The following PPP2R3A variants were observed in gnomAD, a reference collection of about 807,000 sequenced individuals.
The protein encoded by PPP2R3A is serine/threonine-protein phosphatase 2A regulatory subunit B'' subunit alpha.
In PPP2R3A, 80 loss-of-function variants were observed where a neutral mutation model predicts 106.9. That is an observed-to-expected ratio of 0.75 (90% CI 0.62 to 0.90). The LOEUF (loss-of-function observed/expected upper bound fraction) is 0.90. Ranked by LOEUF, PPP2R3A falls within the 40% of genes least tolerant of loss-of-function variation. The pLI, the probability that PPP2R3A is intolerant of heterozygous loss-of-function variation, is 0.00. For synonymous variants in PPP2R3A, 483 were observed against 468.3 expected (o/e 1.03, Z -0.41); for missense variants, 1,386 against 1,350.4 (o/e 1.03, Z -0.41).
chr3:136,136,091 T>G (rs1438478982), intron 13 of PPP2R3A, among the ~76,000 whole-genome samples: 1 of 117,628 alleles, frequency 8.5e-6, no homozygotes, highest in Non-Finnish European at 1.8e-5. Flanking sequence ...TATATATATA[T>G]ATAAAAAACA....
chr3:135,974,218 C>A (rs1937329942), intron 1 of PPP2R3A, among the ~76,000 whole-genome samples: 1 of 152,030 alleles, frequency 6.6e-6, no homozygotes, highest in South Asian at 2.1e-4. Flanking sequence ...TGGAGCATTA[C>A]ATGGCTCATT....
chr3:136,087,999 C>A, intron 9 of PPP2R3A, 68 bp downstream of exon 9: 2 of 1,370,766 alleles, frequency 1.5e-6, no homozygotes, highest in Middle Eastern at 1.8e-4. Flanking sequence ...CTCATTTTAG[C>A]AAAGCTTCCT....
At chr3:136,010,039 C>T (rs1199505317) in intron 2 of PPP2R3A, among the ~76,000 whole-genome samples, 1 of 152,096 alleles carries the variant, frequency 6.6e-6, no homozygotes, top group Admixed American at 6.6e-5. Context: ...TTCCACTCTG[C>T]AGGTGCCTTT....
chr3:136,099,396 G>C (rs1432785057), intron 10 of PPP2R3A, among the ~76,000 whole-genome samples: 1 of 151,834 alleles, frequency 6.6e-6, no homozygotes, highest in Non-Finnish European at 1.5e-5. Context: ...GACTTTCAGA[G>C]AAAATAAAAC....
chr3:135,976,404 T>C (rs1054712887), intron 1 of PPP2R3A, among the ~76,000 whole-genome samples: 1 of 152,208 alleles, frequency 6.6e-6, no homozygotes, highest in African/African-American at 2.4e-5. Context: ...GCTGGCTCTC[T>C]TGAGCATTTG....
chr3:136,093,237 C>T (rs1293063916), intron 10 of PPP2R3A, among the ~76,000 whole-genome samples: 2 of 152,072 alleles, frequency 1.3e-5, no homozygotes, highest in Non-Finnish European at 2.9e-5. Context: ...GGTGAAACCC[C>T]GTCTCTACCA....
intron 1 of PPP2R3A, among the ~76,000 whole-genome samples, chr3:135,999,754 TTTTA>T (rs1933547991): frequency 6.6e-6 from 1 of 152,160 alleles, no homozygotes; most frequent in Non-Finnish European, 1.5e-5. Context: ...TTCATCAGAT[TTTTA>T]TTTATTTACT....
chr3:136,103,195 G>GT (rs2107968272), intron 11 of PPP2R3A, 63 bp from the exon 12 acceptor site: 1 of 1,102,890 alleles, frequency 9.1e-7, no homozygotes, highest in Non-Finnish European at 1.3e-6. Flanking sequence ...GTCAGGGAAA[G>GT]TTTTTTCCTC....
chr3:136,022,604 A>G, intron 2 of PPP2R3A: 1 of 219,174 alleles, frequency 4.6e-6, no homozygotes, highest in South Asian at 1.6e-4. Context: ...CTAGTTTGAG[A>G]AGAAACTGCT....
intron 6 of PPP2R3A, among the ~76,000 whole-genome samples, chr3:136,072,026 A>G (rs979688121): frequency 2.6e-5 from 4 of 151,514 alleles, no homozygotes; most frequent in Non-Finnish European, 4.4e-5. Context: ...CCTACACTCT[A>G]TTCCTTTGTC....
intron 13 of PPP2R3A, among the ~76,000 whole-genome samples, chr3:136,118,071 C>T (rs1362680858): frequency 6.6e-6 from 1 of 152,146 alleles, no homozygotes; most frequent in Non-Finnish European, 1.5e-5. Flanking sequence ...GCTGGTTCAA[C>T]ATATGCAAAA....
At chr3:136,083,896 G>C (rs944268797) in intron 8 of PPP2R3A, among the ~76,000 whole-genome samples, 1 of 152,232 alleles carries the variant, frequency 6.6e-6, no homozygotes, top group African/African-American at 2.4e-5. Flanking sequence ...CTTTGAACTT[G>C]AAAGAGATGA....
chr3:136,144,235 T>C (rs937647038), intron 13 of PPP2R3A, among the ~76,000 whole-genome samples: 1 of 152,238 alleles, frequency 6.6e-6, no homozygotes, highest in Non-Finnish European at 1.5e-5. Context: ...AGGTATGCTA[T>C]AGAGACCTAA....
At chr3:136,013,421 G>A (rs774715318) in intron 2 of PPP2R3A, among the ~76,000 whole-genome samples, 15 of 152,134 alleles carry the variant, frequency 9.9e-5, no homozygotes, top group Non-Finnish European at 1.8e-4. Flanking sequence ...GTTCTTTAAG[G>A]AATTTTCATA....
intron 8 of PPP2R3A, among the ~76,000 whole-genome samples, chr3:136,082,749 T>A (rs1936816973): frequency 6.6e-6 from 1 of 152,180 alleles, no homozygotes; most frequent in South Asian, 2.1e-4. Context: ...AAAGAGAATA[T>A]GTATACACCT....
intron 5 of PPP2R3A, among the ~76,000 whole-genome samples, chr3:136,069,303 A>T (rs894956590): frequency 6.6e-6 from 1 of 152,134 alleles, no homozygotes; most frequent in Admixed American, 6.6e-5. Flanking sequence ...TTAGCCAGGC[A>T]TGGTGGCTCA....
At chr3:136,115,790 G>A (rs146144788) in intron 13 of PPP2R3A, among the ~76,000 whole-genome samples, 3,834 of 151,988 alleles carry the variant, frequency 0.025, 172 homozygotes, top group African/African-American at 0.088. Context: ...TGAAAGTGAC[G>A]GGGAGAATGG....
intron 4 of PPP2R3A, among the ~76,000 whole-genome samples, chr3:136,046,225 G>A (rs1935466391): frequency 6.6e-6 from 1 of 152,158 alleles, no homozygotes; most frequent in South Asian, 2.1e-4. Flanking sequence ...GCCGAGGCAG[G>A]TGGATCACCT....
At chr3:136,012,397 A>G (rs1934115456) in intron 2 of PPP2R3A, among the ~76,000 whole-genome samples, 1 of 152,190 alleles carries the variant, frequency 6.6e-6, no homozygotes, top group Non-Finnish European at 1.5e-5. Context: ...TCTTTCTGTT[A>G]TTAGTCATAG....
Sources: gnomAD v4.1 joint callset for allele counts (sites outside exome capture counted in the v4.1 genomes callset) on GRCh38, gnomAD v4.1.1 for gene constraint, MANE v1.5 for transcripts, NCBI Gene and HGNC (gene_info 2026-07-23, HGNC 2026-07-21) for gene names.